ERBB4: variants seen among roughly 807,000 people sequenced by gnomAD.
ERBB4 encodes erb-b2 receptor tyrosine kinase 4.
Under a neutral mutation model 158.0 loss-of-function variants are expected in ERBB4, and 42 were observed. The observed-to-expected ratio is 0.27, with a 90% CI of 0.21 to 0.34. The LOEUF (loss-of-function observed/expected upper bound fraction) is 0.34, where lower values mean the gene tolerates loss of function less well. ERBB4 is among the 10% of genes least tolerant of loss of function. ERBB4 has a pLI of 1.00. For missense variants in ERBB4, 1,333 were observed against 1,624.1 expected (o/e 0.82, Z 3.08); for synonymous variants, 583 against 558.7 (o/e 1.04, Z -0.61).
In ERBB4 at chr2:211,953,819, A is replaced by G. The variant is rs547584902; in HGVS notation, c.235-6203T>C. Among the ~76,000 whole-genome samples, 3 of 152,106 alleles carry G rather than the reference A, an allele frequency of 2.0e-5. No homozygotes were observed. In the South Asian group the frequency reaches 6.2e-4, roughly 32 times the overall value. ...ATCAAAAGATAATGGAAAACAAAAA[A>G]ATAATTTCCCATACCATATTAGCAA... On this transcript the variant is annotated intron_variant, in intron 2 of 27. Transcript: ENST00000342788.
chr2:211,412,100 GA>G (rs34748836), intron 25 of ERBB4, among the ~76,000 whole-genome samples: 3,864 of 144,794 alleles, frequency 0.027, 123 homozygotes, highest in African/African-American at 0.079. Context: ...AAGGCTAAGA[GA>G]AAAAAAAAAA....
At chr2:212,224,753 C>A (rs1486195180) in intron 1 of ERBB4, among the ~76,000 whole-genome samples, 1 of 151,962 alleles carries the variant, frequency 6.6e-6, no homozygotes, top group African/African-American at 2.4e-5. Context: ...TTACTACTCT[C>A]TTCTAATGTG....
chr2:211,761,621 T>C (rs949490888), intron 4 of ERBB4, among the ~76,000 whole-genome samples: 1 of 152,208 alleles, frequency 6.6e-6, no homozygotes, highest in African/African-American at 2.4e-5. Context: ...CTATTATTTG[T>C]TTATTAAAGT....
At chr2:211,573,707 T>TA (rs1040337342) in intron 19 of ERBB4, among the ~76,000 whole-genome samples, 20 of 4,974 alleles carry the variant, frequency 4.0e-3, no homozygotes, top group East Asian at 0.011. Context: ...TAGAAAATAT[T>TA]AAAAAAAAAT....
At chr2:212,407,835 C>A (rs1006791550) in intron 1 of ERBB4, among the ~76,000 whole-genome samples, 5 of 151,910 alleles carry the variant, frequency 3.3e-5, no homozygotes, top group Non-Finnish European at 1.5e-5. Flanking sequence ...TATCAATGCA[C>A]ATAGACTTTA....
rs1023324093 is a variant in ERBB4 at position 212,457,170 on chromosome 2, T to C, written c.82+81279A>G. On this transcript the variant is annotated intron_variant, in intron 1 of 27. Transcript: ENST00000342788. ...TTTGTATAAATCATTCCTACACCTATGAACCATTTCAGGCTAATAGAGACA... is the reference window on the plus strand; with the variant it reads ...TTTGTATAAATCATTCCTACACCTACGAACCATTTCAGGCTAATAGAGACA... 2.6e-5 allele frequency among the ~76,000 whole-genome samples: 4 copies of C among 152,064 alleles called. No homozygotes were observed. In the East Asian group the frequency reaches 7.7e-4, roughly 29 times the overall value.
intron 3 of ERBB4, among the ~76,000 whole-genome samples, chr2:211,933,461 G>T (rs1169551026): frequency 6.6e-6 from 1 of 152,002 alleles, no homozygotes; most frequent in Non-Finnish European, 1.5e-5. Flanking sequence ...TATCAAATTT[G>T]ATAATCTATT....
rs182420221 is a variant in ERBB4, at chr2:211,674,747, T to C, written c.1623-1490A>G. ...AAAATTATAAAAATAATCAAAAGCA[T>C]TGTTTGCATAACAAAATTATGACAA... On this transcript the variant is annotated intron_variant, in intron 13 of 27. Transcript: ENST00000342788. 1.6e-3 allele frequency among the ~76,000 whole-genome samples: 250 copies of C among 152,198 alleles called. 1 individual carries two copies. Among genetic ancestry groups the C allele is most frequent in the African/African-American group, 5.7e-3 (238 of 41,550 alleles).
intron 5 of ERBB4, among the ~76,000 whole-genome samples, chr2:211,735,269 T>G (rs2074568373): frequency 6.6e-6 from 1 of 152,038 alleles, no homozygotes; most frequent in Admixed American, 6.6e-5. Flanking sequence ...GCAGAGCAAG[T>G]TAATTATCCC....
intron 1 of ERBB4, among the ~76,000 whole-genome samples, chr2:212,269,477 T>C (rs1390730390): frequency 6.6e-6 from 1 of 151,828 alleles, no homozygotes; most frequent in Non-Finnish European, 1.5e-5. Flanking sequence ...CATGTGGATA[T>C]GCCATCAACT....
chr2:211,913,531 G>A (rs2079592596), intron 3 of ERBB4, among the ~76,000 whole-genome samples: 1 of 151,946 alleles, frequency 6.6e-6, no homozygotes. Flanking sequence ...AACTCGGGAG[G>A]TGGAGGTTGC....
chr2:211,928,496 A>G (rs2080080716), intron 3 of ERBB4, among the ~76,000 whole-genome samples: 1 of 152,188 alleles, frequency 6.6e-6, no homozygotes, highest in South Asian at 2.1e-4. Context: ...CCACAGAGCA[A>G]CATAAACTCT....
intron 1 of ERBB4, among the ~76,000 whole-genome samples, chr2:212,402,061 C>A (rs2091222195): frequency 6.6e-6 from 1 of 152,168 alleles, no homozygotes; most frequent in South Asian, 2.1e-4. Flanking sequence ...ACCCTTTGTA[C>A]TAAAGTTCAC....
intron 19 of ERBB4, among the ~76,000 whole-genome samples, chr2:211,598,227 C>A (rs1196518356): frequency 6.6e-6 from 1 of 152,048 alleles, no homozygotes; most frequent in African/African-American, 2.4e-5. Flanking sequence ...CACAGAAATT[C>A]TAGATAAGTC....
chr2:212,487,876 A>G lies in ERBB4; in HGVS notation c.82+50573T>C, dbSNP rs1219828097. On this transcript the variant is annotated intron_variant, in intron 1 of 27. Coordinates refer to ENST00000342788, the MANE Select transcript of ERBB4 (RefSeq NM_005235.3). Reference sequence around the variant, plus strand: ...GAAAATTATGATGTATTTGTCTTAAATCATGACTTTGCTCCACTTACTTTC... The same window carrying G: ...GAAAATTATGATGTATTTGTCTTAAGTCATGACTTTGCTCCACTTACTTTC... Among the ~76,000 whole-genome samples the G allele has an allele frequency of 2.0e-5, 3 of 152,130 alleles. No individual in the cohort carries two copies. The East Asian group carries it at 5.8e-4, about 29-fold the overall frequency.
intron 3 of ERBB4, among the ~76,000 whole-genome samples, chr2:211,798,293 A>T (rs1370740152): frequency 6.6e-6 from 1 of 152,092 alleles, no homozygotes; most frequent in Non-Finnish European, 1.5e-5. Context: ...CTTTCCCTGA[A>T]AATAATGTTT....
At chr2:211,832,428 C>T (rs1248865687) in intron 3 of ERBB4, among the ~76,000 whole-genome samples, 2 of 151,944 alleles carry the variant, frequency 1.3e-5, no homozygotes, top group Non-Finnish European at 2.9e-5. Flanking sequence ...TAAAATGATT[C>T]TATTTATGTA....
Position 211,954,703 on chromosome 2 carries a change from T to G in ERBB4, c.235-7087A>C, listed in dbSNP as rs140241689. 4.3e-4 allele frequency among the ~76,000 whole-genome samples: 66 copies of G among 152,036 alleles called. No individual in the cohort carries two copies. The East Asian group carries it at 0.01, about 24-fold the overall frequency. ...CTTCTGCTGGTAATGACTGCAGAATTTATGTGTTCTCTGACGGTGACAAAT... is the reference window on the plus strand; with the variant it reads ...CTTCTGCTGGTAATGACTGCAGAATGTATGTGTTCTCTGACGGTGACAAAT... On this transcript the variant is annotated intron_variant, in intron 2 of 27. Coordinates refer to ENST00000342788, the MANE Select transcript of ERBB4 (RefSeq NM_005235.3).
chr2:212,052,918 G>C (rs1430116694), intron 2 of ERBB4, among the ~76,000 whole-genome samples: 1 of 152,192 alleles, frequency 6.6e-6, no homozygotes, highest in Non-Finnish European at 1.5e-5. Flanking sequence ...GAATAAAAAA[G>C]CTTTCTTTCC....
Sources: allele counts gnomAD v4.1 joint callset (sites outside exome capture counted in the v4.1 genomes callset), GRCh38; gene constraint gnomAD v4.1.1; transcripts MANE v1.5; gene names NCBI Gene and HGNC (gene_info 2026-07-23, HGNC 2026-07-21).